Variants in ASTN2 observed in about 807,000 individuals in gnomAD.
The protein encoded by ASTN2 is astrotactin 2, also known as astrotactin-2.
ASTN2 carries 54 observed loss-of-function variants against 139.8 expected under a neutral mutation model. That is an observed-to-expected ratio of 0.39 (90% CI 0.31 to 0.48). The LOEUF is 0.48. Among genes scored for constraint, ASTN2 ranks in the 20% least tolerant of loss-of-function variants. The pLI is 0.95. For synonymous variants in ASTN2, 756 were observed against 719.5 expected (o/e 1.05, Z -0.81); for missense variants, 1,565 against 1,725.1 (o/e 0.91, Z 1.64).
At chr9:116,538,089 TAG>T (rs1360868819) in intron 19 of ASTN2, among the ~76,000 whole-genome samples, 1 of 152,128 alleles carries the variant, frequency 6.6e-6, no homozygotes, top group Non-Finnish European at 1.5e-5. Flanking sequence ...CAATGCCTCC[TAG>T]TTGATGCTTA....
chr9:116,741,274 C>A (rs926974440), intron 13 of ASTN2, among the ~76,000 whole-genome samples: 3 of 152,148 alleles, frequency 2.0e-5, no homozygotes, highest in African/African-American at 7.2e-5. Flanking sequence ...AGGTAAATCA[C>A]CTTAGAGCCA....
intron 2 of ASTN2, among the ~76,000 whole-genome samples, chr9:117,217,045 CT>C (rs1832345654): frequency 6.6e-6 from 1 of 152,240 alleles, no homozygotes; most frequent in Admixed American, 6.5e-5. Context: ...AGTGGTGGAG[CT>C]GTGACTGGGC....
At chr9:116,454,085 C>T (rs1036603869) in intron 20 of ASTN2, among the ~76,000 whole-genome samples, 2 of 152,126 alleles carry the variant, frequency 1.3e-5, no homozygotes, top group Non-Finnish European at 2.9e-5. Context: ...CTCCAGCTAG[C>T]GCCAATCTTC....
chr9:117,175,699 GA>G (rs1308785101), intron 3 of ASTN2, among the ~76,000 whole-genome samples: 1 of 152,080 alleles, frequency 6.6e-6, no homozygotes, highest in Admixed American at 6.6e-5. Flanking sequence ...CTATCCATGT[GA>G]AAAACTAAAG....
chr9:117,358,551 C>T (rs1313067360), intron 1 of ASTN2, among the ~76,000 whole-genome samples: 1 of 152,114 alleles, frequency 6.6e-6, no homozygotes, highest in Non-Finnish European at 1.5e-5. Flanking sequence ...GTCTTTACAT[C>T]ACCCTGGGCA....
intron 20 of ASTN2, among the ~76,000 whole-genome samples, chr9:116,486,394 AGATG>A (rs1183185411): frequency 2.0e-5 from 3 of 152,252 alleles, no homozygotes; most frequent in African/African-American, 7.2e-5. Context: ...GCAGGTGAAT[AGATG>A]GATGAAGAGA....
At chr9:116,605,682 T>A (rs12683451) in intron 19 of ASTN2, among the ~76,000 whole-genome samples, 43,331 of 151,772 alleles carry the variant, frequency 0.29, 7,150 homozygotes, top group Admixed American at 0.43. Context: ...TGGGCTACAA[T>A]CCCCTTTACA....
chr9:116,851,475 T>TATCTATCTATCTATCCATCC (rs1370610295), intron 11 of ASTN2, among the ~76,000 whole-genome samples: 488 of 45,708 alleles, frequency 0.011, 4 homozygotes, highest in African/African-American at 0.043. Context: ...GCTAAACATC[T>TATCTATCTATCTATCCATCC]ATCTATCTAT....
intron 19 of ASTN2, among the ~76,000 whole-genome samples, chr9:116,492,548 C>G (rs185210705): frequency 6.6e-6 from 1 of 152,250 alleles, no homozygotes; most frequent in African/African-American, 2.4e-5. Context: ...GGAACAAAAA[C>G]TTGGTGCCTT....
At chr9:116,792,802 GAAC>G (rs752713202) in intron 13 of ASTN2, among the ~76,000 whole-genome samples, 2 of 152,142 alleles carry the variant, frequency 1.3e-5, no homozygotes, top group Non-Finnish European at 2.9e-5. Context: ...GCAAATGGAG[GAAC>G]AACAATTCTT....
chr9:116,439,097 G>C (rs983660267), intron 22 of ASTN2, among the ~76,000 whole-genome samples: 4 of 149,256 alleles, frequency 2.7e-5, no homozygotes, highest in African/African-American at 9.8e-5. Context: ...TGTTGCTTTT[G>C]TTCATTGTCT....
chr9:116,916,420 T>C (rs1428795357), intron 10 of ASTN2, among the ~76,000 whole-genome samples: 1 of 152,142 alleles, frequency 6.6e-6, no homozygotes, highest in Non-Finnish European at 1.5e-5. Flanking sequence ...GTGAGGAAAA[T>C]AAGCTCAGAA....
intron 16 of ASTN2, among the ~76,000 whole-genome samples, chr9:116,653,495 T>C (rs1461897681): frequency 2.0e-5 from 3 of 152,224 alleles, no homozygotes; most frequent in Non-Finnish European, 2.9e-5. Context: ...CATCACAGAC[T>C]ATGAGAATGG....
intron 13 of ASTN2, among the ~76,000 whole-genome samples, chr9:116,738,586 C>T (rs1390377651): frequency 6.6e-6 from 1 of 152,060 alleles, no homozygotes; most frequent in Non-Finnish European, 1.5e-5. Context: ...TAATCAAAAA[C>T]CACTTGTACC....
chr9:117,077,379 C>T (rs7858018), intron 5 of ASTN2, among the ~76,000 whole-genome samples: 21,848 of 152,172 alleles, frequency 0.14, 1,646 homozygotes, highest in Middle Eastern at 0.21. Flanking sequence ...ACAATCTCTA[C>T]TTCTCTGGGT....
intron 3 of ASTN2, among the ~76,000 whole-genome samples, chr9:117,149,095 C>G (rs1029247274): frequency 6.6e-6 from 1 of 152,106 alleles, no homozygotes; most frequent in African/African-American, 2.4e-5. Context: ...TCTCAGCTCA[C>G]TGCAACCACT....
intron 3 of ASTN2, among the ~76,000 whole-genome samples, chr9:117,141,931 C>A (rs907217161): frequency 1.3e-5 from 2 of 152,010 alleles, no homozygotes; most frequent in African/African-American, 4.8e-5. Flanking sequence ...CAGAAGGAGG[C>A]AATATTTAGG....
intron 10 of ASTN2, among the ~76,000 whole-genome samples, chr9:116,967,768 T>C (rs1836058799): frequency 2.0e-5 from 3 of 152,202 alleles, no homozygotes; most frequent in Admixed American, 1.3e-4. Flanking sequence ...TCAAGCCAAG[T>C]GCCCCCATGC....
At chr9:116,443,517 G>A (rs1031569272) in intron 20 of ASTN2, among the ~76,000 whole-genome samples, 3 of 152,104 alleles carry the variant, frequency 2.0e-5, no homozygotes, top group East Asian at 1.9e-4. Flanking sequence ...CAGGTAAAAC[G>A]TAGACCTGGT....
Sources: gnomAD v4.1 joint callset for allele counts (sites outside exome capture counted in the v4.1 genomes callset) on GRCh38, gnomAD v4.1.1 for gene constraint, MANE v1.5 for transcripts, NCBI Gene and HGNC (gene_info 2026-07-23, HGNC 2026-07-21) for gene names.